ZNF717: variants seen among roughly 807,000 people sequenced by gnomAD.
ZNF717 encodes krueppel-like factor X17.
ZNF717 carries 9 observed loss-of-function variants against 13.8 expected under a neutral mutation model. The ratio of observed to expected loss-of-function variants is 0.65; its 90% CI spans 0.39 to 1.14. The LOEUF (loss-of-function observed/expected upper bound fraction) is 1.14. Among genes scored for constraint, ZNF717 ranks in the 50% most tolerant of loss-of-function variants. The pLI, the probability that ZNF717 is intolerant of heterozygous loss-of-function variation, is 0.01. For synonymous variants in ZNF717, 327 were observed against 364.1 expected, an observed-to-expected ratio of 0.90 and a Z score of 1.16; for missense variants, 1,040 against 1,080.7, an observed-to-expected ratio of 0.96 and a Z score of 0.53.
In ZNF717 at chr3:75,783,373, G is replaced by A. The variant is rs1436861146; in HGVS notation, c.-2-9C>T. The A allele has an allele frequency of 1.9e-6, 3 of 1,550,372 alleles. No individual in the cohort carries two copies. The highest frequency in any genetic ancestry group is 3.9e-5 in the Admixed American group (2 of 50,988). ...GAACACTGGAAACATAGCTGAGAGA[G>A]AAGGCAAATGACGTGAATTAAGGAG... On this transcript the variant is annotated splice_polypyrimidine_tract_variant and intron_variant, in intron 1 of 4. Transcript: ENST00000652011.
intron 2 of ZNF717, among the ~76,000 whole-genome samples, chr3:75,768,367 G>GC (rs1346462625): frequency 1.6e-5 from 2 of 121,476 alleles, no homozygotes; most frequent in African/African-American, 2.9e-5. Flanking sequence ...GTGTGGGGGG[G>GC]GGGGGTAGAT....
intron 2 of ZNF717, among the ~76,000 whole-genome samples, chr3:75,750,678 G>A (rs1303250030): frequency 2.0e-5 from 3 of 148,774 alleles, no homozygotes; most frequent in Non-Finnish European, 3.0e-5. Context: ...ACACTGTTAC[G>A]AGGGTCTGAA....
downstream of ZNF717, among the ~76,000 whole-genome samples, chr3:75,726,387 T>C (rs1938281041): frequency 6.6e-6 from 1 of 152,190 alleles, no homozygotes; most frequent in South Asian, 2.1e-4. Flanking sequence ...CTTTGGGAGG[T>C]TGAGGCAGGT....
intron 2 of ZNF717, among the ~76,000 whole-genome samples, chr3:75,747,616 G>C (rs1216055748): frequency 6.6e-6 from 1 of 152,028 alleles, no homozygotes; most frequent in Non-Finnish European, 1.5e-5. Flanking sequence ...TATTCTCTTT[G>C]AAGCAAATTT....
chr3:75,740,408 ATT>A (rs1940234792), intron 4 of ZNF717, among the ~76,000 whole-genome samples: 1 of 151,770 alleles, frequency 6.6e-6, no homozygotes, highest in South Asian at 2.1e-4. Flanking sequence ...CAGCTTCATA[ATT>A]TCCTTCCGAG....
At chr3:75,753,014 A>C (rs1250471340) in intron 2 of ZNF717, among the ~76,000 whole-genome samples, 3 of 150,770 alleles carry the variant, frequency 2.0e-5, no homozygotes, top group African/African-American at 2.5e-5. Context: ...CTGGTGTCTG[A>C]ATGTTTATAC....
intron 5 of ZNF717, among the ~76,000 whole-genome samples, chr3:75,713,929 G>C (rs1197002036): frequency 2.6e-5 from 4 of 152,314 alleles, no homozygotes; most frequent in Admixed American, 2.6e-4. Context: ...GTGTCCACTG[G>C]ATGGGGGCCC....
chr3:75,768,367 G>T lies in ZNF717; in HGVS notation c.57+14939C>A, dbSNP rs1357963287. Among the ~76,000 whole-genome samples the T allele has an allele frequency of 2.2e-4, 27 of 121,474 alleles. 2 individuals are homozygous for T. The highest frequency in any genetic ancestry group is 3.7e-4 in the Non-Finnish European group (20 of 53,744). The allele number at this position is 121,474 out of a possible 152,430, so 79.7% of individuals were successfully genotyped here. A position where few individuals can be genotyped will look rare whatever the true frequency, so the allele number is the denominator to read the frequency against. Reference sequence around the variant, plus strand: ...CCTCACTGTGGCTGAGTGTGGGGGGGGGGGGTAGATGACAGCCCACCACAA... The same window carrying T: ...CCTCACTGTGGCTGAGTGTGGGGGGTGGGGGTAGATGACAGCCCACCACAA... On this transcript the variant is annotated intron_variant, in intron 2 of 4. Coordinates refer to ENST00000652011, the MANE Select transcript of ZNF717 (RefSeq NM_001290208.3).
chr3:75,704,522 G>A (rs1937761149), intron 6 of ZNF717, among the ~76,000 whole-genome samples: 1 of 152,420 alleles, frequency 6.6e-6, no homozygotes, highest in Non-Finnish European at 1.5e-5. Flanking sequence ...GTTAGGGTGA[G>A]AGACTCAGCC....
intron 2 of ZNF717, among the ~76,000 whole-genome samples, chr3:75,744,276 T>C (rs1216132520): frequency 6.6e-6 from 1 of 152,268 alleles, no homozygotes; most frequent in Non-Finnish European, 1.5e-5. Context: ...CCTTCCAGGT[T>C]CCTATTTCTG....
intron 6 of ZNF717, among the ~76,000 whole-genome samples, chr3:75,700,468 C>T (rs1575758338): frequency 6.6e-6 from 1 of 152,140 alleles, no homozygotes; most frequent in Non-Finnish European, 1.5e-5. Context: ...CGCAAAACAC[C>T]GTAATAGTCA....
rs1939352678 is a variant in ZNF717, at chr3:75,737,056, C to A, written c.2567G>T (p.Gly856Val). ...GTGTGTTCTCTGATGTATACTGAGG[C>A]CTGACTTCTGGGAGAAAGTTTTCCT... The part of the protein sequence containing the change: ...ECRKTFSQKS[G>V]LSIHQRTHTG... The change falls in exon 5 of 5, where the codon GGC becomes GTC. Residue 856 changes from glycine to valine, a missense_variant. Coordinates refer to ENST00000652011, the MANE Select transcript of ZNF717 (RefSeq NM_001290208.3). 1.0e-5 allele frequency: 16 copies of A among 1,601,898 alleles called. No homozygotes were observed. The highest frequency in any genetic ancestry group is 1.3e-5 in the Non-Finnish European group (15 of 1,174,176).
downstream of ZNF717, among the ~76,000 whole-genome samples, chr3:75,731,194 T>G (rs1938520706): frequency 1.3e-5 from 2 of 152,176 alleles, no homozygotes; most frequent in Admixed American, 6.5e-5. Context: ...CTGGCCCACA[T>G]GGCAAAACCC....
chr3:75,732,844 G>A (rs1938700118), downstream of ZNF717, among the ~76,000 whole-genome samples: 1 of 152,130 alleles, frequency 6.6e-6, no homozygotes, highest in African/African-American at 2.4e-5. Context: ...AAAAGCACAA[G>A]GCATACTAAA....
intron 2 of ZNF717, among the ~76,000 whole-genome samples, chr3:75,745,329 G>A (rs1355974949): frequency 6.6e-6 from 1 of 152,034 alleles, no homozygotes; most frequent in Non-Finnish European, 1.5e-5. Flanking sequence ...TCGCAGTAGT[G>A]TCCTGGAATC....
At chr3:75,778,007 G>A (rs77286136) in intron 2 of ZNF717, among the ~76,000 whole-genome samples, 12 of 144,520 alleles carry the variant, frequency 8.3e-5, no homozygotes, top group East Asian at 2.1e-4. Context: ...TGCTAAAACC[G>A]GAAACCAAAA....
rs1416460952 is a variant in ZNF717, at chr3:75,741,729, AC to A, written c.64del (p.Val22CysfsTer6). ...LQEKNKSLEL[V>X]SFEEVAVHFT... is the part of the protein sequence containing the mutation. ...GTGCACAGCTACCTCCTCAAAGGAC[AC>A]CAACTCCTGTAATGATACCAGGCTG... On this transcript the variant is annotated frameshift_variant, in exon 3 of 5. Transcript: ENST00000652011. LOFTEE classifies it high-confidence loss of function. 330 of 1,338,870 alleles carry A rather than the reference AC, an allele frequency of 2.5e-4. 1 individual carries two copies. The African/African-American group carries it at 4.9e-3, about 20-fold the overall frequency. 82.9% of individuals were successfully genotyped at this position (1,338,870 alleles called of 1,614,324 possible).
chr3:75,780,026 C>A (rs907523850), intron 2 of ZNF717, among the ~76,000 whole-genome samples: 1 of 148,448 alleles, frequency 6.7e-6, no homozygotes, highest in Non-Finnish European at 1.5e-5. Context: ...ATGGGAGAGA[C>A]GTGCTAAACC....
chr3:75,775,351 T>C (rs1944227683), intron 2 of ZNF717, among the ~76,000 whole-genome samples: 2 of 152,238 alleles, frequency 1.3e-5, no homozygotes, highest in Non-Finnish European at 2.9e-5. Context: ...TAAAGTCATT[T>C]CCACAGTTAA....
Sources: allele counts gnomAD v4.1 joint callset (sites outside exome capture counted in the v4.1 genomes callset), GRCh38; gene constraint gnomAD v4.1.1; transcripts MANE v1.5; gene names NCBI Gene and HGNC (gene_info 2026-07-23, HGNC 2026-07-21).